Variants in ZNF550 observed in about 807,000 individuals in gnomAD.
ZNF550 encodes the protein zinc finger protein 550.
Under a neutral mutation model 40.2 loss-of-function variants are expected in ZNF550, and 42 were observed. That is an observed-to-expected ratio of 1.05 (90% confidence interval 0.82 to 1.35). The LOEUF is 1.35. Ranked by LOEUF, ZNF550 falls within the 40% of genes most tolerant of loss-of-function variation. The pLI is 0.00. For synonymous variants in ZNF550, 223 were observed against 198.6 expected (o/e 1.12, Z -1.03); for missense variants, 549 against 525.2 (o/e 1.05, Z -0.44).
chr19:57,542,875 C>G (rs1299834568), exon 5 of ZNF550: 1 of 152,156 alleles, frequency 6.6e-6, no homozygotes, highest in African/African-American at 2.4e-5. Flanking sequence ...AGGAACTAAC[C>G]TAATGGATTA....
At chr19:57,555,950 G>T in intron 2 of ZNF550, 1 of 405,196 alleles carries the variant, frequency 2.5e-6, no homozygotes, top group Non-Finnish European at 4.7e-6. Flanking sequence ...CTGCTTAATA[G>T]GGCTGTGGCC....
At chr19:57,549,276 G>A (rs1167259033) in intron 3 of ZNF550, among the ~76,000 whole-genome samples, 1 of 151,924 alleles carries the variant, frequency 6.6e-6, no homozygotes, top group Non-Finnish European at 1.5e-5. Context: ...AATATCTTAT[G>A]TACCCACATA....
intron 4 of ZNF550, chr19:57,543,831 G>A (rs1199856236): frequency 2.1e-6 from 1 of 479,732 alleles, no homozygotes; most frequent in Non-Finnish European, 2.7e-6. Flanking sequence ...CCAGCTACTC[G>A]GGAGGCTGAG....
intron 3 of ZNF550, among the ~76,000 whole-genome samples, chr19:57,550,056 T>C (rs1272550797): frequency 6.6e-6 from 1 of 152,198 alleles, no homozygotes; most frequent in African/African-American, 2.4e-5. Context: ...ATTACCCTTA[T>C]TATTTTCATT....
chr19:57,546,633 C>T (rs2090012301), exon 4 of ZNF550: 2 of 1,042,252 alleles, frequency 1.9e-6, no homozygotes, highest in Non-Finnish European at 2.3e-6. Flanking sequence ...CTGCTCTGGC[C>T]AAAGACTGTC....
intron 1 of ZNF550, among the ~76,000 whole-genome samples, chr19:57,558,413 T>C (rs184461961): frequency 3.4e-4 from 52 of 152,280 alleles, no homozygotes; most frequent in African/African-American, 1.2e-3. Context: ...GGTGGATTTA[T>C]TGGAAATGTG....
chr19:57,542,294 C>T (rs1457360996), exon 5 of ZNF550: 1 of 148,432 alleles, frequency 6.7e-6, no homozygotes, highest in South Asian at 2.2e-4. Context: ...TAACATAATT[C>T]CAGTTACATA....
chr19:57,550,664 A>G (rs74838947), intron 3 of ZNF550, among the ~76,000 whole-genome samples: 2,948 of 152,352 alleles, frequency 0.019, 84 homozygotes, highest in African/African-American at 0.066. Flanking sequence ...AAGACAGGGT[A>G]ACAGAAACTG....
intron 4 of ZNF550, chr19:57,544,202 G>C: frequency 1.0e-6 from 1 of 985,428 alleles, no homozygotes; most frequent in Non-Finnish European, 1.2e-6. Flanking sequence ...GAGTGGCCAT[G>C]GAGCTAAATG....
chr19:57,552,001 C>G (rs1445746835), intron 3 of ZNF550, among the ~76,000 whole-genome samples: 3 of 152,120 alleles, frequency 2.0e-5, no homozygotes, highest in African/African-American at 4.8e-5. Context: ...GAGGAAAGTC[C>G]CCTTTCTCTT....
chr19:57,556,685 T>C, intron 1 of ZNF550: 1 of 223,152 alleles, frequency 4.5e-6, no homozygotes, highest in Non-Finnish European at 8.9e-6. Flanking sequence ...CCAACCACAA[T>C]AACAGCAACA....
Position 57,554,948 on chromosome 19 carries a change from T to C in ZNF550, c.154+1283A>G, listed in dbSNP as rs2090106461. 6.6e-6 allele frequency: 1 copy of C among 152,272 alleles called. No homozygotes were observed. Among genetic ancestry groups the C allele is most frequent in the South Asian group, 2.1e-4 (1 of 4,836 alleles). 9.4% of individuals were successfully genotyped at this position (152,272 alleles called of 1,614,324 possible). A position where few individuals can be genotyped will look rare whatever the true frequency, so the allele number is the denominator to read the frequency against. On this transcript the variant is annotated intron_variant, in intron 2 of 4. Transcript: ENST00000457177. This position sits in a 1 kb window ranked among gnomAD's most constrained non-coding sequence, Gnocchi z 4.5. ...CCTCTTTGGAACTCCCACAATAGGT[T>C]ATGACATCCTGCTTATTTATTCCTA... is the stretch of plus-strand genomic sequence containing the variant.
intron 3 of ZNF550, among the ~76,000 whole-genome samples, chr19:57,550,964 G>A (rs775144724): frequency 3.9e-5 from 6 of 152,150 alleles, no homozygotes; most frequent in Non-Finnish European, 7.3e-5. Flanking sequence ...AGCAATTTGA[G>A]TACACTTTTT....
At chr19:57,545,724 A>T (rs1318954204) in intron 4 of ZNF550, among the ~76,000 whole-genome samples, 1 of 152,130 alleles carries the variant, frequency 6.6e-6, no homozygotes, top group African/African-American at 2.4e-5. Flanking sequence ...TATACAAAAA[A>T]ATTTAAGGCT....
exon 4 of ZNF550, chr19:57,547,088 G>C: frequency 6.2e-7 from 1 of 1,613,920 alleles, no homozygotes; most frequent in Non-Finnish European, 8.5e-7. Context: ...TGCTGAATGA[G>C]GTACGTGCTC....
At chr19:57,549,027 A>G (rs2090049417) in intron 3 of ZNF550, among the ~76,000 whole-genome samples, 1 of 152,092 alleles carries the variant, frequency 6.6e-6, no homozygotes, top group African/African-American at 2.4e-5. Context: ...GTAGGATCCT[A>G]CTCCATGGAG....
chr19:57,547,720 T>G, exon 4 of ZNF550: 1 of 1,614,172 alleles, frequency 6.2e-7, no homozygotes, highest in Non-Finnish European at 8.5e-7. Context: ...TGATAACCAC[T>G]CTTGTAATGC....
At chr19:57,546,853 G>T (rs2090014460) in exon 4 of ZNF550, 17 of 1,424,694 alleles carry the variant, frequency 1.2e-5, no homozygotes, top group Non-Finnish European at 1.5e-5. Context: ...CAAAAAAAAT[G>T]AAAAGTTTCC....
At chr19:57,546,835 A>C (rs2090014335) in exon 4 of ZNF550, 1 of 1,417,608 alleles carries the variant, frequency 7.1e-7, no homozygotes. Context: ...TAGTTAAGAA[A>C]GAGCTGACAA....
Sources: allele counts gnomAD v4.1 joint callset (sites outside exome capture counted in the v4.1 genomes callset), GRCh38; gene constraint gnomAD v4.1.1; non-coding constraint Gnocchi (gnomAD v3.1); transcripts MANE v1.5; gene names NCBI Gene and HGNC (gene_info 2026-07-23, HGNC 2026-07-21).